EHBP1: variants seen among roughly 807,000 people sequenced by gnomAD.
EHBP1 encodes EH domain-binding protein 1.
In EHBP1, 55 loss-of-function variants were observed where a neutral mutation model predicts 144.0. The ratio of observed to expected loss-of-function variants is 0.38; its 90% CI spans 0.31 to 0.48. The LOEUF (loss-of-function observed/expected upper bound fraction) is 0.48, where lower values mean the gene tolerates loss of function less well. Among genes scored for constraint, EHBP1 ranks in the 20% least tolerant of loss-of-function variants. The pLI, the probability that EHBP1 is intolerant of heterozygous loss-of-function variation, is 0.98. For missense variants in EHBP1, 1,200 were observed against 1,364.2 expected, an observed-to-expected ratio of 0.88 and a Z score of 1.90; for synonymous variants, 469 against 472.7, an observed-to-expected ratio of 0.99 and a Z score of 0.10.
Position 62,948,884 on chromosome 2 carries a change from T to G in EHBP1, c.2038T>G (p.Cys680Gly). The G allele has an allele frequency of 6.2e-7, 1 of 1,613,976 alleles. No individual in the cohort carries two copies. Among genetic ancestry groups the G allele is most frequent in the Non-Finnish European group, 8.5e-7 (1 of 1,179,952 alleles). The change falls in exon 13 of 23, where the codon TGT (cysteine) becomes GGT (glycine). Residue 680 changes from cysteine to glycine, a missense_variant. Cys to Gly is a radical substitution (Grantham distance 159). Transcript: ENST00000431489. The part of the protein sequence containing the change: ...KKKDMSPPFI[C>G]EETDEQKLQT... ...GAAGGATATGTCTCCACCCTTTATT[T>G]GTGAGGAGACAGATGAACAAAAGCT...
At chr2:62,805,629 C>T (rs1017646810) in intron 5 of EHBP1, among the ~76,000 whole-genome samples, 3 of 152,162 alleles carry the variant, frequency 2.0e-5, no homozygotes, top group African/African-American at 7.2e-5. Flanking sequence ...ATTCTCCCAT[C>T]TCAGCCTCCT....
At chr2:62,885,165 G>A (rs1349257993) in intron 10 of EHBP1, among the ~76,000 whole-genome samples, 1 of 152,192 alleles carries the variant, frequency 6.6e-6, no homozygotes, top group East Asian at 1.9e-4. Context: ...AACTCAGCCA[G>A]ATGATTGATT....
chr2:62,803,778 A>G (rs2044225229), intron 5 of EHBP1, among the ~76,000 whole-genome samples: 1 of 152,194 alleles, frequency 6.6e-6, no homozygotes, highest in African/African-American at 2.4e-5. Flanking sequence ...GCAAGCTTTC[A>G]GTATTTATAC....
intron 7 of EHBP1, among the ~76,000 whole-genome samples, chr2:62,849,607 A>G (rs918161652): frequency 6.6e-6 from 1 of 152,228 alleles, no homozygotes; most frequent in Admixed American, 6.5e-5. Context: ...ATAGATACAT[A>G]GATAAAACAG....
chr2:62,773,069 A>T (rs187023662), intron 5 of EHBP1, among the ~76,000 whole-genome samples: 3 of 152,348 alleles, frequency 2.0e-5, no homozygotes, highest in Admixed American at 2.0e-4. Context: ...TCAAGAGAAT[A>T]CACTAATTTA....
rs78937457 is a variant in EHBP1 at position 62,882,750 on chromosome 2, C to T, written c.1185+8218C>T. ...ATACAAAATTAGCCAGGTGTGGTGG[C>T]GCATGCCTGTAATCCCAGCTACTCA... On this transcript the variant is annotated intron_variant, in intron 10 of 22. Coordinates refer to ENST00000431489, the MANE Select transcript of EHBP1 (RefSeq NM_001142616.3). Among the ~76,000 whole-genome samples the T allele has an allele frequency of 6.3e-4, 96 of 152,194 alleles. No homozygotes were observed. In the East Asian group the frequency reaches 0.016, roughly 26 times the overall value.
intron 5 of EHBP1, among the ~76,000 whole-genome samples, chr2:62,798,504 T>G (rs2043723688): frequency 2.0e-5 from 3 of 152,124 alleles, no homozygotes; most frequent in African/African-American, 7.2e-5. Context: ...TCTGGACATT[T>G]CCTACCTGTG....
intron 14 of EHBP1, among the ~76,000 whole-genome samples, chr2:62,974,175 T>A (rs2058616558): frequency 6.6e-6 from 1 of 152,108 alleles, no homozygotes; most frequent in Admixed American, 6.5e-5. Flanking sequence ...CCTCTCTTCT[T>A]TTGCCCCTAC....
intron 7 of EHBP1, among the ~76,000 whole-genome samples, chr2:62,837,189 A>C (rs1262964149): frequency 6.7e-6 from 1 of 148,614 alleles, no homozygotes; most frequent in Non-Finnish European, 1.5e-5. Context: ...AATATTCAAT[A>C]TTCTTAAAGA....
At chr2:62,953,927 T>C (rs1386605211) in intron 13 of EHBP1, among the ~76,000 whole-genome samples, 2 of 152,178 alleles carry the variant, frequency 1.3e-5, no homozygotes, top group African/African-American at 4.8e-5. Flanking sequence ...TTAGAGCTAG[T>C]GAGATCTTAA....
chr2:62,857,595 T>C (rs1417828533), intron 7 of EHBP1, among the ~76,000 whole-genome samples: 3 of 152,214 alleles, frequency 2.0e-5, no homozygotes, highest in Non-Finnish European at 2.9e-5. Context: ...GCTGTATCGT[T>C]ATACCTAAGC....
intron 5 of EHBP1, among the ~76,000 whole-genome samples, chr2:62,804,928 C>A (rs930923864): frequency 1.3e-5 from 2 of 152,186 alleles, no homozygotes; most frequent in Admixed American, 6.5e-5. Context: ...TGAGGTGGAA[C>A]AGTTTCATCC....
At chr2:62,733,038 A>G (rs72888923) in intron 2 of EHBP1, among the ~76,000 whole-genome samples, 2,744 of 152,220 alleles carry the variant, frequency 0.018, 82 homozygotes, top group African/African-American at 0.062. Context: ...TAGCATATCA[A>G]TCATAGTTGT....
At chr2:62,858,533 TTTCTGC>T (rs1369578423) in intron 7 of EHBP1, 1 of 1,512,816 alleles carries the variant, frequency 6.6e-7, no homozygotes, top group East Asian at 2.3e-5. Context: ...TCCTCCTTTC[TTTCTGC>T]TTCTGATTGC....
intron 13 of EHBP1, 62 bp from the exon 14 acceptor site, chr2:62,955,455 G>A: frequency 6.6e-7 from 1 of 1,507,374 alleles, no homozygotes; most frequent in South Asian, 1.3e-5. Flanking sequence ...CCTTTCATTA[G>A]TTTACAAATG....
intron 7 of EHBP1, among the ~76,000 whole-genome samples, chr2:62,852,615 T>C (rs1445590450): frequency 6.6e-6 from 1 of 152,104 alleles, no homozygotes; most frequent in Non-Finnish European, 1.5e-5. Flanking sequence ...AATATTTCTT[T>C]TTATATGTTC....
chr2:62,883,830 G>A (rs1010948445), intron 10 of EHBP1, among the ~76,000 whole-genome samples: 1 of 152,216 alleles, frequency 6.6e-6, no homozygotes, highest in East Asian at 1.9e-4. Context: ...CGTTAGCTGC[G>A]CATCATGGCT....
At chr2:62,766,478 G>A (rs1228067928) in intron 4 of EHBP1, among the ~76,000 whole-genome samples, 4 of 152,062 alleles carry the variant, frequency 2.6e-5, no homozygotes, top group African/African-American at 7.2e-5. Flanking sequence ...TCTCCCATCC[G>A]TGTATGCTCA....
intron 10 of EHBP1, among the ~76,000 whole-genome samples, chr2:62,935,344 A>AATATATATATAT (rs57574909): frequency 1.2e-4 from 15 of 121,480 alleles, no homozygotes; most frequent in Non-Finnish European, 2.2e-4. Context: ...AAAAAAAAAA[A>AATATATATATAT]ATATATATAT....
Sources: allele counts gnomAD v4.1 joint callset (sites outside exome capture counted in the v4.1 genomes callset), GRCh38; gene constraint gnomAD v4.1.1; transcripts MANE v1.5; gene names NCBI Gene and HGNC (gene_info 2026-07-23, HGNC 2026-07-21).